PIK3R3: variants seen among roughly 807,000 people sequenced by gnomAD.
PIK3R3 encodes the protein phosphatidylinositol 3-kinase regulatory subunit gamma.
A neutral mutation model predicts 62.9 loss-of-function variants in PIK3R3; 64 were observed. That is an observed-to-expected ratio of 1.02 (90% CI 0.83 to 1.25). The LOEUF is 1.25. PIK3R3 is among the 50% of genes most tolerant of loss of function. The pLI is 0.00. For missense variants in PIK3R3, 614 were observed against 561.6 expected (o/e 1.09, Z -0.94); for synonymous variants, 165 against 189.0 (o/e 0.87, Z 1.04).
At chr1:46,169,406 A>G in the PIK3R3 span, among the ~76,000 whole-genome samples, 1 of 152,136 alleles carries the variant, frequency 6.6e-6, no homozygotes, top group Non-Finnish European at 1.5e-5. Context: ...CATTATTTTT[A>G]TTCCCTATTC....
At chr1:46,133,763 TAGTG>T (rs1318025640), upstream of PIK3R3, among the ~76,000 whole-genome samples, 1 of 150,854 alleles carries the variant, frequency 6.6e-6, no homozygotes, top group African/African-American at 2.4e-5. Context: ...ACGCCTAAAA[TAGTG>T]AGAGGTCTCA....
the PIK3R3 span, among the ~76,000 whole-genome samples, chr1:46,148,719 T>C: frequency 6.0e-5 from 9 of 150,358 alleles, no homozygotes; most frequent in African/African-American, 1.5e-4. Flanking sequence ...TGAAGAACCA[T>C]TGTTCGTGCT....
chr1:46,066,806 C>T, intron 4 of PIK3R3, 105 bp downstream of exon 4: 2 of 925,572 alleles, frequency 2.2e-6, no homozygotes, highest in South Asian at 2.9e-5. Flanking sequence ...AAATAAATAA[C>T]AAAATGGCTA....
At chr1:46,087,418 A>T (rs1466122252) in intron 1 of PIK3R3, among the ~76,000 whole-genome samples, 1 of 151,990 alleles carries the variant, frequency 6.6e-6, no homozygotes, top group East Asian at 1.9e-4. Context: ...ACTAAAGAAA[A>T]GTTTACCAAA....
At chr1:46,140,125 A>G in the PIK3R3 span, among the ~76,000 whole-genome samples, 2 of 152,258 alleles carry the variant, frequency 1.3e-5, no homozygotes, top group East Asian at 3.9e-4. Flanking sequence ...AGTAGCTGGG[A>G]CCACAGATGC....
At chr1:46,091,416 C>CAG (rs1651621281) in intron 1 of PIK3R3, among the ~76,000 whole-genome samples, 1 of 152,048 alleles carries the variant, frequency 6.6e-6, no homozygotes, top group South Asian at 2.1e-4. Flanking sequence ...GCTGGGATTA[C>CAG]AGGTATGAGC....
upstream of PIK3R3, among the ~76,000 whole-genome samples, chr1:46,133,525 A>T (rs1655802788): frequency 6.6e-6 from 1 of 152,196 alleles, no homozygotes; most frequent in Non-Finnish European, 1.5e-5. Flanking sequence ...TTGCTGGGAC[A>T]GCCCTCTCCG....
chr1:46,043,954 A>G, intron 9 of PIK3R3, 83 bp from the exon 10 acceptor site: 1 of 1,162,090 alleles, frequency 8.6e-7, no homozygotes, highest in Non-Finnish European at 1.2e-6. Context: ...TCTGAGAGCA[A>G]TTGTTATGCA....
At chr1:46,125,774 T>C (rs76256219) in intron 1 of PIK3R3, among the ~76,000 whole-genome samples, 1 of 151,994 alleles carries the variant, frequency 6.6e-6, no homozygotes, top group Non-Finnish European at 1.5e-5. Context: ...TTTTTTTTTT[T>C]TCTTGAGACA....
At chr1:46,119,950 G>C (rs770217861) in intron 1 of PIK3R3, among the ~76,000 whole-genome samples, 133 of 151,740 alleles carry the variant, frequency 8.8e-4, no homozygotes, top group Non-Finnish European at 1.5e-3. Flanking sequence ...GCTAATTTTT[G>C]TATTTTTTGT....
At chr1:46,050,654 C>T (rs991062821) in intron 7 of PIK3R3, among the ~76,000 whole-genome samples, 1 of 152,166 alleles carries the variant, frequency 6.6e-6, no homozygotes, top group African/African-American at 2.4e-5. Context: ...AATAGTGCAA[C>T]CACTACACAA....
At chr1:46,087,886 A>G (rs1396802861) in intron 1 of PIK3R3, among the ~76,000 whole-genome samples, 2 of 152,208 alleles carry the variant, frequency 1.3e-5, no homozygotes, top group Non-Finnish European at 2.9e-5. Flanking sequence ...TTCTTCCTAC[A>G]TGAGGCTACT....
At chr1:46,094,515 G>A (rs923480633) in intron 1 of PIK3R3, among the ~76,000 whole-genome samples, 2 of 151,950 alleles carry the variant, frequency 1.3e-5, no homozygotes, top group Non-Finnish European at 2.9e-5. Context: ...TTTCTAAAAG[G>A]GAAAAAACTG....
intron 1 of PIK3R3, among the ~76,000 whole-genome samples, chr1:46,111,179 A>AAT (rs1166493090): frequency 5.3e-5 from 8 of 151,848 alleles, no homozygotes; most frequent in South Asian, 2.1e-4. Flanking sequence ...TATATATGTG[A>AAT]ATATATATAT....
intron 1 of PIK3R3, chr1:46,131,623 C>CCT: frequency 2.9e-6 from 1 of 349,256 alleles, no homozygotes; most frequent in Non-Finnish European, 5.8e-6. Context: ...CCCACCCCCA[C>CCT]TTCCAGCCCC....
At chr1:46,108,500 T>G (rs1304715727) in intron 1 of PIK3R3, among the ~76,000 whole-genome samples, 1 of 152,224 alleles carries the variant, frequency 6.6e-6, no homozygotes, top group Non-Finnish European at 1.5e-5. Flanking sequence ...ACTATCCTGT[T>G]GGTAATTCAT....
In PIK3R3 at chr1:46,043,702, G is replaced by A; in HGVS notation, c.1357C>T (p.His453Tyr). 1 of 1,614,200 alleles carries A rather than the reference G, an allele frequency of 6.2e-7. No individual in the cohort carries two copies. The highest frequency in any genetic ancestry group is 8.5e-7 in the Non-Finnish European group (1 of 1,180,036). Residue 453 changes from histidine to tyrosine, a missense_variant, in exon 10 of 10, where the codon CAT (histidine) becomes TAT (tyrosine). Physicochemically the swap from His to Tyr is moderately conservative, Grantham distance 83. Coordinates refer to ENST00000262741, the MANE Select transcript of PIK3R3 (RefSeq NM_003629.4). ...CTGCAAAGCGAGGGCATCTGTGCAT[G>A]AACAGGGTAGGCAAGCCTGACGTTG... ...SLNVRLAYPVHAQMPSLCR is the reference protein window; with the variant it reads ...SLNVRLAYPVYAQMPSLCR
chr1:46,112,675 G>C (rs1405680521), intron 1 of PIK3R3, among the ~76,000 whole-genome samples: 1 of 152,118 alleles, frequency 6.6e-6, no homozygotes, highest in Non-Finnish European at 1.5e-5. Context: ...TTCTCACTGT[G>C]ATCTCTCCCC....
At chr1:46,046,430 A>G (rs1647117501) in intron 8 of PIK3R3, 121 bp downstream of exon 8, 20 of 727,872 alleles carry the variant, frequency 2.7e-5, no homozygotes, top group Non-Finnish European at 4.5e-5. Flanking sequence ...AAAGATAGTC[A>G]AAGTTCTAGA....
Sources: allele counts gnomAD v4.1 joint callset (sites outside exome capture counted in the v4.1 genomes callset), GRCh38; gene constraint gnomAD v4.1.1; transcripts MANE v1.5; gene names NCBI Gene and HGNC (gene_info 2026-07-23, HGNC 2026-07-21).